Variants in GPHN observed in about 807,000 individuals in gnomAD.
GPHN encodes the protein gephyrin.
A neutral mutation model predicts 95.5 loss-of-function variants in GPHN; 17 were observed. The observed-to-expected ratio is 0.18, with a 90% confidence interval of 0.12 to 0.27. GPHN has a LOEUF of 0.27. GPHN is among the 10% of genes least tolerant of loss of function. The pLI is 1.00. For missense variants in GPHN, 660 were observed against 978.1 expected, an observed-to-expected ratio of 0.67 and a Z score of 4.34; for synonymous variants, 320 against 322.5, an observed-to-expected ratio of 0.99 and a Z score of 0.08.
chr14:67,725,111 A>G, the GPHN span: 1 of 1,614,184 alleles, frequency 6.2e-7, no homozygotes, highest in Middle Eastern at 1.6e-4. Flanking sequence ...GCCCGAGTCT[A>G]TATTGCCTGC....
intron 11 of GPHN, among the ~76,000 whole-genome samples, chr14:67,077,476 T>C (rs767593394): frequency 6.6e-6 from 1 of 152,334 alleles, no homozygotes; most frequent in South Asian, 2.1e-4. Context: ...GAAACATCTG[T>C]ATTATCTGTG....
intron 13 of GPHN, among the ~76,000 whole-genome samples, chr14:67,105,125 T>C (rs2077961632): frequency 6.6e-6 from 1 of 152,148 alleles, no homozygotes; most frequent in Non-Finnish European, 1.5e-5. Context: ...TTTTGTAATT[T>C]CTACATGTTT....
chr14:66,687,505 T>G (rs923992562), intron 2 of GPHN, among the ~76,000 whole-genome samples: 2 of 148,042 alleles, frequency 1.4e-5, no homozygotes, highest in African/African-American at 2.5e-5. Context: ...TTTTTTTTTT[T>G]GAGACGGAGT....
Position 67,159,572 on chromosome 14 carries a change from A to G in GPHN, c.1910+84A>G, listed in dbSNP as rs977209716. 23 of 798,388 alleles carry G rather than the reference A, an allele frequency of 2.9e-5. 1 individual carries two copies. Among genetic ancestry groups the G allele is most frequent in the Admixed American group, 2.4e-4 (14 of 58,740 alleles). The allele number at this position is 798,388 out of a possible 1,614,324, so 49.5% of individuals were successfully genotyped here. The stretch of plus-strand genomic sequence containing the variant: ...AAATTTTTAAATGCCTTCTTTTTAC[A>G]TTTCCTATTATGAATTAACTATTCC... On this transcript the variant is annotated intron_variant, in intron 19 of 22. Coordinates refer to ENST00000478722, the MANE Select transcript of GPHN (RefSeq NM_020806.5).
chr14:66,846,814 T>A (rs1272643500), intron 4 of GPHN, among the ~76,000 whole-genome samples: 1 of 152,100 alleles, frequency 6.6e-6, no homozygotes, highest in East Asian at 1.9e-4. Flanking sequence ...ATAACTAATG[T>A]CCAATAGGCT....
At chr14:67,643,526 T>A in the GPHN span, among the ~76,000 whole-genome samples, 1 of 152,152 alleles carries the variant, frequency 6.6e-6, no homozygotes, top group South Asian at 2.1e-4. Context: ...GGGACAGATA[T>A]ATAAGAACTT....
intron 1 of GPHN, among the ~76,000 whole-genome samples, chr14:66,583,799 T>C (rs949309303): frequency 4.6e-5 from 7 of 152,160 alleles, no homozygotes; most frequent in African/African-American, 1.7e-4. Context: ...CCTTGTAGTA[T>C]AGTTTGAAGT....
intron 20 of GPHN, among the ~76,000 whole-genome samples, chr14:67,166,709 G>A (rs1030437280): frequency 3.3e-5 from 5 of 151,976 alleles, no homozygotes; most frequent in African/African-American, 4.8e-5. Flanking sequence ...TGGCTCTGTC[G>A]CCCAGGCTGG....
the GPHN span, among the ~76,000 whole-genome samples, chr14:67,463,561 C>T: frequency 6.8e-6 from 1 of 147,286 alleles, no homozygotes; most frequent in African/African-American, 2.6e-5. Flanking sequence ...ATCGCTTGAA[C>T]CTGGGAGGCG....
At chr14:67,244,772 G>T in the GPHN span, among the ~76,000 whole-genome samples, 3 of 152,230 alleles carry the variant, frequency 2.0e-5, no homozygotes, top group South Asian at 6.2e-4. Context: ...ACCTATCTGT[G>T]GTAGACAGAA....
chr14:67,562,788 G>A, the GPHN span: 1 of 1,613,776 alleles, frequency 6.2e-7, no homozygotes, highest in Non-Finnish European at 8.5e-7. Context: ...CCCCCAGCAG[G>A]GAAGAATGAG....
the GPHN span, among the ~76,000 whole-genome samples, chr14:67,218,778 GTC>G: frequency 5.3e-5 from 8 of 151,946 alleles, no homozygotes; most frequent in African/African-American, 1.9e-4. Context: ...AGGTTCAGGG[GTC>G]TCTCTCATTT....
chr14:66,665,650 T>G (rs2065908182), intron 1 of GPHN, among the ~76,000 whole-genome samples: 1 of 152,198 alleles, frequency 6.6e-6, no homozygotes, highest in Admixed American at 6.5e-5. Flanking sequence ...ACACTGTTGG[T>G]GGGACTGTAG....
chr14:66,854,871 G>A (rs1046730882), intron 4 of GPHN, among the ~76,000 whole-genome samples: 8 of 145,764 alleles, frequency 5.5e-5, no homozygotes, highest in Middle Eastern at 3.7e-3. Flanking sequence ...CTTCTGAGAC[G>A]TAGTCTCACT....
At chr14:67,237,564 C>T in the GPHN span, among the ~76,000 whole-genome samples, 1 of 151,938 alleles carries the variant, frequency 6.6e-6, no homozygotes, top group Non-Finnish European at 1.5e-5. Context: ...CTCAAACAAT[C>T]CTCCCATCTT....
the GPHN span, chr14:67,449,801 A>G: frequency 1.3e-5 from 2 of 152,124 alleles, no homozygotes; most frequent in African/African-American, 4.8e-5. Flanking sequence ...GATGGTTTTA[A>G]AAAATAGGAG....
chr14:67,724,628 C>T, the GPHN span: 1 of 1,447,044 alleles, frequency 6.9e-7, no homozygotes, highest in Non-Finnish European at 9.7e-7. Context: ...AGGGCCATGC[C>T]TCCCACCCTT....
At position 67,038,772 on chromosome 14, in the gene GPHN, C is replaced by T. The variant is rs117325526; in HGVS notation, c.1006+15097C>T. 2.0e-5 allele frequency among the ~76,000 whole-genome samples: 3 copies of T among 152,212 alleles called. No homozygotes were observed. The East Asian group carries it at 5.8e-4, about 29-fold the overall frequency. ...CAGAAACCAGATTTAGGATCCTTTC[C>T]TCCAAATTATTCCTGTATTGTTCTT... On this transcript the variant is annotated intron_variant, in intron 10 of 22. Transcript: ENST00000478722.
At chr14:67,655,518 TC>T in the GPHN span, among the ~76,000 whole-genome samples, 193 of 151,998 alleles carry the variant, frequency 1.3e-3, 2 homozygotes, top group African/African-American at 4.6e-3. Context: ...GACATTTTTT[TC>T]CCTATTACTT....
Sources: gnomAD v4.1 joint callset for allele counts (sites outside exome capture counted in the v4.1 genomes callset) on GRCh38, gnomAD v4.1.1 for gene constraint, MANE v1.5 for transcripts, NCBI Gene and HGNC (gene_info 2026-07-23, HGNC 2026-07-21) for gene names.